Variants in BABAM2 observed in about 807,000 individuals in gnomAD.
BABAM2 encodes the protein BRISC and BRCA1-A complex member 2.
In BABAM2, 31 loss-of-function variants were observed where a neutral mutation model predicts 54.7. The ratio of observed to expected loss-of-function variants is 0.57; its 90% CI spans 0.43 to 0.77. The LOEUF (loss-of-function observed/expected upper bound fraction) is 0.77, where lower values mean the gene tolerates loss of function less well. Ranked by LOEUF, BABAM2 falls within the 30% of genes least tolerant of loss-of-function variation. The probability of loss-of-function intolerance (pLI) is 0.00; values close to 1 mark genes in which losing one functional copy is unlikely to be tolerated. For missense variants in BABAM2, 364 were observed against 455.8 expected (o/e 0.80, Z 1.83); for synonymous variants, 167 against 162.9 (o/e 1.03, Z -0.19).
intron 7 of BABAM2, among the ~76,000 whole-genome samples, chr2:28,147,829 T>C (rs1671647949): frequency 6.6e-6 from 1 of 152,182 alleles, no homozygotes; most frequent in African/African-American, 2.4e-5. Context: ...GATGTTGTAC[T>C]CATTTTGTTT....
chr2:28,314,574 A>G (rs1401463643), intron 11 of BABAM2, among the ~76,000 whole-genome samples: 1 of 152,242 alleles, frequency 6.6e-6, no homozygotes, highest in East Asian at 1.9e-4. Flanking sequence ...CCAGATCACT[A>G]GCCTAGATCA....
intron 11 of BABAM2, among the ~76,000 whole-genome samples, chr2:28,315,762 G>A (rs569157952): frequency 7.2e-5 from 11 of 151,816 alleles, no homozygotes; most frequent in Non-Finnish European, 1.3e-4. Context: ...CAAAGTGCAG[G>A]GATTACAGGC....
intron 6 of BABAM2, among the ~76,000 whole-genome samples, chr2:28,122,199 G>T (rs1212096025): frequency 2.0e-5 from 3 of 152,144 alleles, no homozygotes; most frequent in Non-Finnish European, 4.4e-5. Context: ...CTGGGTGACA[G>T]GGTAGGCAAC....
chr2:28,194,477 C>A (rs993785711), intron 7 of BABAM2, among the ~76,000 whole-genome samples: 1 of 151,914 alleles, frequency 6.6e-6, no homozygotes, highest in Non-Finnish European at 1.5e-5. Context: ...AAAACAGAAA[C>A]CTCTCCAAAT....
chr2:28,128,597 TATC>T (rs1487237527), intron 6 of BABAM2, among the ~76,000 whole-genome samples: 1 of 152,232 alleles, frequency 6.6e-6, no homozygotes, highest in Non-Finnish European at 1.5e-5. Context: ...AGTTTAGTTT[TATC>T]ATTATCAGTT....
chr2:28,308,480 C>T, intron 11 of BABAM2: 1 of 529,122 alleles, frequency 1.9e-6, no homozygotes, highest in Non-Finnish European at 3.7e-6. Flanking sequence ...CCAACAAGCA[C>T]CAGATCAAAC....
chr2:27,907,900 A>G (rs1666300396), intron 2 of BABAM2, among the ~76,000 whole-genome samples: 1 of 152,166 alleles, frequency 6.6e-6, no homozygotes, highest in Non-Finnish European at 1.5e-5. Flanking sequence ...TATATATCGC[A>G]CTTTGTTTAT....
chr2:28,151,813 A>G (rs893648856), intron 7 of BABAM2, among the ~76,000 whole-genome samples: 1 of 152,214 alleles, frequency 6.6e-6, no homozygotes, highest in Middle Eastern at 3.2e-3. Context: ...TAGAAAATTC[A>G]ATTCAAATCT....
intron 6 of BABAM2, among the ~76,000 whole-genome samples, chr2:28,125,209 A>C (rs1220838091): frequency 6.6e-6 from 1 of 152,196 alleles, no homozygotes; most frequent in Non-Finnish European, 1.5e-5. Flanking sequence ...ATTCAGGATG[A>C]GGGGAAGCAG....
At chr2:28,270,648 A>G (rs1184478717) in intron 10 of BABAM2, among the ~76,000 whole-genome samples, 1 of 152,172 alleles carries the variant, frequency 6.6e-6, no homozygotes, top group Non-Finnish European at 1.5e-5. Flanking sequence ...CCCAGATGGC[A>G]TGACTATTCC....
intron 3 of BABAM2, among the ~76,000 whole-genome samples, chr2:27,953,220 G>A (rs140141590): frequency 1.6e-4 from 25 of 151,910 alleles, no homozygotes; most frequent in African/African-American, 5.5e-4. Context: ...TTGCTCTGTC[G>A]CCCAGGCTGG....
chr2:28,286,038 C>G (rs1478614614), intron 10 of BABAM2, among the ~76,000 whole-genome samples: 3 of 151,554 alleles, frequency 2.0e-5, no homozygotes, highest in African/African-American at 7.3e-5. Context: ...TCACTGCAAC[C>G]TCTACCTCCT....
At chr2:27,931,550 A>T (rs1668096193) in intron 3 of BABAM2, among the ~76,000 whole-genome samples, 1 of 151,858 alleles carries the variant, frequency 6.6e-6, no homozygotes, top group African/African-American at 2.4e-5. Flanking sequence ...TTCCTTCTTA[A>T]TGTAGTTATA....
intron 10 of BABAM2, among the ~76,000 whole-genome samples, chr2:28,266,136 C>G (rs1280108758): frequency 6.6e-6 from 1 of 152,112 alleles, no homozygotes; most frequent in East Asian, 1.9e-4. Flanking sequence ...AGGCACACAC[C>G]ACCACGCTCG....
At chr2:28,248,000 T>C (rs1484897823) in intron 10 of BABAM2, among the ~76,000 whole-genome samples, 1 of 152,088 alleles carries the variant, frequency 6.6e-6, no homozygotes. Context: ...CCTTACATCA[T>C]TCATTTTCAG....
intron 3 of BABAM2, among the ~76,000 whole-genome samples, chr2:27,955,481 T>C (rs901151658): frequency 3.3e-5 from 5 of 152,260 alleles, no homozygotes; most frequent in African/African-American, 1.2e-4. Context: ...GAAATTACTC[T>C]GATCGTTTTG....
chr2:28,250,554 A>C (rs115313012), intron 10 of BABAM2, among the ~76,000 whole-genome samples: 1,771 of 145,962 alleles, frequency 0.012, 30 homozygotes, highest in African/African-American at 0.042. Flanking sequence ...TTTTTCTGTC[A>C]TTACTATAAA....
At chr2:28,285,955 CTTT>C (rs376315142) in intron 10 of BABAM2, among the ~76,000 whole-genome samples, 4 of 138,388 alleles carry the variant, frequency 2.9e-5, no homozygotes. Context: ...CGAATAATAA[CTTT>C]TTTTTTTTTT....
chr2:28,019,430 C>T (rs1675091510), intron 4 of BABAM2, among the ~76,000 whole-genome samples: 1 of 152,008 alleles, frequency 6.6e-6, no homozygotes, highest in African/African-American at 2.4e-5. Flanking sequence ...AGATTTTCTC[C>T]CACTCTGTGG....
Sources: allele counts gnomAD v4.1 joint callset (sites outside exome capture counted in the v4.1 genomes callset), GRCh38; gene constraint gnomAD v4.1.1; transcripts MANE v1.5; gene names NCBI Gene and HGNC (gene_info 2026-07-23, HGNC 2026-07-21).